DNAH5: variants seen among roughly 807,000 people sequenced by gnomAD.
The protein encoded by DNAH5 is axonemal beta dynein heavy chain 5.
A neutral mutation model predicts 518.2 loss-of-function variants in DNAH5; 372 were observed. The ratio of observed to expected loss-of-function variants is 0.72; its 90% confidence interval spans 0.66 to 0.78. DNAH5 has a LOEUF of 0.78. DNAH5 is among the 30% of genes least tolerant of loss of function. The probability of loss-of-function intolerance (pLI) is 0.00; values close to 1 mark genes in which losing one functional copy is unlikely to be tolerated. For synonymous variants in DNAH5, 2,039 were observed against 2,025.9 expected, an observed-to-expected ratio of 1.01 and a Z score of -0.17; for missense variants, 5,523 against 5,687.0, an observed-to-expected ratio of 0.97 and a Z score of 0.93.
chr5:13,701,564 G>T, intron 76 of DNAH5, 128 bp from the exon 77 acceptor site: 1 of 903,796 alleles, frequency 1.1e-6, no homozygotes, highest in Non-Finnish European at 1.7e-6. Context: ...AAGTCCCTAA[G>T]TCATGAATTT....
chr5:13,853,707 C>G (rs1192811772), intron 30 of DNAH5, among the ~76,000 whole-genome samples: 1 of 151,656 alleles, frequency 6.6e-6, no homozygotes, highest in East Asian at 1.9e-4. Flanking sequence ...AAACACAGCA[C>G]AAGAATTTCG....
intron 15 of DNAH5, among the ~76,000 whole-genome samples, chr5:13,895,676 C>T (rs2151954646): frequency 1.3e-5 from 2 of 152,284 alleles, no homozygotes; most frequent in South Asian, 4.1e-4. Flanking sequence ...GAATTTCATC[C>T]AGATGCCAGA....
chr5:13,915,980 C>T (rs1378380530), intron 9 of DNAH5, among the ~76,000 whole-genome samples: 1 of 151,912 alleles, frequency 6.6e-6, no homozygotes, highest in Non-Finnish European at 1.5e-5. Flanking sequence ...GGAACAGTGG[C>T]ATATGAAATA....
intron 30 of DNAH5, among the ~76,000 whole-genome samples, chr5:13,858,911 T>C (rs778674618): frequency 6.6e-6 from 1 of 152,214 alleles, no homozygotes; most frequent in Non-Finnish European, 1.5e-5. Context: ...AATCTCAAAA[T>C]ATACTCCATA....
rs1307946514 is a variant in DNAH5, at chr5:13,734,819, T to G, written c.11761+312A>C. Reference sequence around the variant, plus strand: ...CATCCTGCTCTGTTTTCCATAGGACTTACCATCTTCCCACTCACTATAAAA... The same window carrying G: ...CATCCTGCTCTGTTTTCCATAGGACGTACCATCTTCCCACTCACTATAAAA... On this transcript the variant is annotated intron_variant, in intron 68 of 78. Coordinates refer to ENST00000265104, the MANE Select transcript of DNAH5 (RefSeq NM_001369.3). Among the ~76,000 whole-genome samples, 6 of 152,286 alleles carry G rather than the reference T, an allele frequency of 3.9e-5. No individual in the cohort carries two copies. The East Asian group carries it at 1.2e-3, about 29-fold the overall frequency.
At chr5:13,810,022 C>G (rs1339844780) in intron 45 of DNAH5, 37 bp downstream of exon 45, 2 of 1,539,692 alleles carry the variant, frequency 1.3e-6, no homozygotes, top group Non-Finnish European at 1.8e-6. Flanking sequence ...AAAGAACGGC[C>G]CCCATGGGTT....
intron 65 of DNAH5, among the ~76,000 whole-genome samples, chr5:13,744,099 T>C (rs1039326053): frequency 2.0e-5 from 3 of 151,918 alleles, no homozygotes; most frequent in Admixed American, 1.3e-4. Context: ...CAACAACAGA[T>C]GAATGGATGA....
chr5:13,792,896 G>T (rs1757218069), intron 49 of DNAH5, among the ~76,000 whole-genome samples: 1 of 152,170 alleles, frequency 6.6e-6, no homozygotes, highest in African/African-American at 2.4e-5. Flanking sequence ...ACATAAATGT[G>T]TTCAAACCTT....
At position 13,752,194 on chromosome 5, in the gene DNAH5, T is replaced by A; in HGVS notation, c.10968A>T (p.Leu3656=). ...PLLIEDVGEE[L]DPALDNVLER... is the part of the protein sequence containing the mutation. ...CCAAAACATTATCTAGTGCTGGATC[T>A]AGTTCCTCTCCAACATCTTCAATAA... The change falls in exon 64 of 79, where the codon CTA becomes CTT. Residue 3656 remains leucine, a synonymous_variant. Coordinates refer to ENST00000265104, the MANE Select transcript of DNAH5 (RefSeq NM_001369.3). 6.2e-7 allele frequency: 1 copy of A among 1,614,054 alleles called. No homozygotes were observed. The highest frequency in any genetic ancestry group is 8.5e-7 in the Non-Finnish European group (1 of 1,179,954).
At position 13,841,001 on chromosome 5, in the gene DNAH5, C is replaced by T. The variant is rs2151860259; in HGVS notation, c.5614G>A (p.Asp1872Asn). 2 of 1,614,192 alleles carry T rather than the reference C, an allele frequency of 1.2e-6. No individual in the cohort carries two copies. The highest frequency in any genetic ancestry group is 8.5e-7 in the Non-Finnish European group (1 of 1,180,012). ...AFLELLNTLI[D>N]VTTRDLSSTE... ...GAACTCAGATCCCTCGTGGTGACGT[C>T]TATCAATGTATTGAGTAGCTCCAGG... Residue 1872 changes from aspartate (D) to asparagine (N), a missense_variant, in exon 34 of 79, where the codon GAC becomes AAC. By Grantham distance (23) the Asp-to-Asn change is conservative. Transcript: ENST00000265104.
intron 1 of DNAH5, among the ~76,000 whole-genome samples, chr5:13,984,047 A>C (rs1177945168): frequency 6.6e-6 from 1 of 152,132 alleles, no homozygotes; most frequent in Non-Finnish European, 1.5e-5. Context: ...TATCCAGGAG[A>C]GCTCGATGTA....
rs543266318 is a variant in DNAH5 at position 13,781,912 on chromosome 5, CA to C, written c.8821-954del. Reference sequence around the variant, plus strand: ...TACCAATAAGTGATTATAGATGGGTCAGGGGGGCCACTTCACACTGTTCAAT... The same window carrying C: ...TACCAATAAGTGATTATAGATGGGTCGGGGGGCCACTTCACACTGTTCAAT... On this transcript the variant is annotated intron_variant, in intron 52 of 78. Transcript: ENST00000265104. Among the ~76,000 whole-genome samples the C allele has an allele frequency of 1.7e-3, 261 of 152,266 alleles. 1 individual carries two copies. The highest frequency in any genetic ancestry group is 6.1e-3 in the African/African-American group (252 of 41,542).
At chr5:13,879,015 A>T (rs1478256469) in intron 21 of DNAH5, among the ~76,000 whole-genome samples, 1 of 152,080 alleles carries the variant, frequency 6.6e-6, no homozygotes, top group South Asian at 2.1e-4. Flanking sequence ...GGTAGGGGGG[A>T]CAAAAAATAG....
chr5:13,699,063 A>C (rs113091972), intron 78 of DNAH5, among the ~76,000 whole-genome samples: 2 of 152,146 alleles, frequency 1.3e-5, no homozygotes, highest in African/African-American at 4.8e-5. Context: ...CTGCAACCCC[A>C]GCACTAGGGC....
At chr5:13,958,830 C>T (rs1355347104) in intron 1 of DNAH5, among the ~76,000 whole-genome samples, 1 of 152,160 alleles carries the variant, frequency 6.6e-6, no homozygotes, top group Non-Finnish European at 1.5e-5. Context: ...AGATAGTTAA[C>T]AAAATTAATC....
At chr5:14,001,712 AG>A in intron 1 of DNAH5, among the ~76,000 whole-genome samples, 1 of 150,932 alleles carries the variant, frequency 6.6e-6, no homozygotes, top group Non-Finnish European at 1.5e-5. Context: ...TATAACTGAA[AG>A]GGATGACTTT....
At position 13,824,138 on chromosome 5, in the gene DNAH5, T is replaced by C. The variant is rs376036653; in HGVS notation, c.6579+61A>G. 1.7e-4 allele frequency: 259 copies of C among 1,513,774 alleles called. 1 individual carries two copies. The African/African-American group carries it at 2.7e-3, about 16-fold the overall frequency. The allele number at this position is 1,513,774 out of a possible 1,614,324, so 93.8% of individuals were successfully genotyped here. A position where few individuals can be genotyped will look rare whatever the true frequency, so the allele number is the denominator to read the frequency against. ...TAAATAAATATTTTGAAGTCTCATG[T>C]ATGGGCAGTTAGTTTAACTGATATC... On this transcript the variant is annotated intron_variant, in intron 39 of 78. Coordinates refer to ENST00000265104, the MANE Select transcript of DNAH5 (RefSeq NM_001369.3).
At chr5:13,991,423 G>C (rs2152075021) in intron 1 of DNAH5, among the ~76,000 whole-genome samples, 2 of 151,298 alleles carry the variant, frequency 1.3e-5, no homozygotes, top group South Asian at 4.2e-4. Context: ...CTGCTTGTCA[G>C]ACAGACCCAG....
chr5:13,852,926 G>A (rs1767094559), intron 30 of DNAH5, among the ~76,000 whole-genome samples: 1 of 152,188 alleles, frequency 6.6e-6, no homozygotes, highest in African/African-American at 2.4e-5. Flanking sequence ...GGGGGAAGGG[G>A]CAGCTGTGGG....
Sources: allele counts gnomAD v4.1 joint callset (sites outside exome capture counted in the v4.1 genomes callset), GRCh38; gene constraint gnomAD v4.1.1; transcripts MANE v1.5; gene names NCBI Gene and HGNC (gene_info 2026-07-23, HGNC 2026-07-21).